The following LRRC4C variants were observed in gnomAD, a reference collection of about 807,000 sequenced individuals.
LRRC4C encodes the protein leucine rich repeat containing 4C, also known as leucine-rich repeat-containing protein 4C.
LRRC4C carries 5 observed loss-of-function variants against 33.6 expected under a neutral mutation model. The ratio of observed to expected loss-of-function variants is 0.15; its 90% CI spans 0.08 to 0.31. The LOEUF is 0.31. Among genes scored for constraint, LRRC4C ranks in the 10% least tolerant of loss-of-function variants. The pLI is 1.00. For missense variants in LRRC4C, 560 were observed against 796.7 expected, an observed-to-expected ratio of 0.70 and a Z score of 3.58; for synonymous variants, 329 against 302.0, an observed-to-expected ratio of 1.09 and a Z score of -0.93.
At chr11:41,037,545 C>T (rs1431236098) in intron 1 of LRRC4C, among the ~76,000 whole-genome samples, 1 of 148,642 alleles carries the variant, frequency 6.7e-6, no homozygotes, top group Non-Finnish European at 1.5e-5. Flanking sequence ...AGCATACATG[C>T]TTGCTGAACT....
At chr11:40,753,770 A>T (rs1021092229) in intron 2 of LRRC4C, among the ~76,000 whole-genome samples, 1 of 152,036 alleles carries the variant, frequency 6.6e-6, no homozygotes, top group Non-Finnish European at 1.5e-5. Context: ...GTAAAAGTGG[A>T]CCAAGAACCC....
chr11:40,721,273 A>C (rs1197961887), intron 2 of LRRC4C, among the ~76,000 whole-genome samples: 1 of 152,188 alleles, frequency 6.6e-6, no homozygotes, highest in Non-Finnish European at 1.5e-5. Context: ...CATTAGAAGA[A>C]GCTTGAGAGA....
chr11:40,178,669 A>G (rs1297754177), intron 5 of LRRC4C, among the ~76,000 whole-genome samples: 1 of 152,198 alleles, frequency 6.6e-6, no homozygotes, highest in Non-Finnish European at 1.5e-5. Context: ...TGCTCTCTAG[A>G]TATAGATCAG....
intron 3 of LRRC4C, among the ~76,000 whole-genome samples, chr11:40,381,032 A>G (rs534807862): frequency 2.0e-5 from 3 of 152,268 alleles, no homozygotes; most frequent in Middle Eastern, 6.8e-3. Flanking sequence ...TGTTTCCCTA[A>G]CAACCGCTCA....
chr11:41,448,122 G>GTTTGTTTTTTTTTTTTTTTTT (rs1955887673), intron 1 of LRRC4C, among the ~76,000 whole-genome samples: 1 of 46,948 alleles, frequency 2.1e-5, no homozygotes, highest in Non-Finnish European at 4.4e-5. Flanking sequence ...GCACACGTCT[G>GTTTGTTTTTTTTTTTTTTTTT]TTTTTTTTTT....
chr11:40,260,272 G>C lies in LRRC4C; in HGVS notation c.-175-18674C>G, dbSNP rs373534911. 5.8e-5 allele frequency among the ~76,000 whole-genome samples: 8 copies of C among 137,488 alleles called. No individual in the cohort carries two copies. In the East Asian group the frequency reaches 1.5e-3, roughly 25 times the overall value. The allele number at this position is 137,488 out of a possible 152,430, so 90.2% of individuals were successfully genotyped here. A position where few individuals can be genotyped will look rare whatever the true frequency, so the allele number is the denominator to read the frequency against. ...CTTTGTAGGGACATGGATGAAATTGGAAATCATCATTCTCAGTAAATTATC... is the reference window on the plus strand; with the variant it reads ...CTTTGTAGGGACATGGATGAAATTGCAAATCATCATTCTCAGTAAATTATC... On this transcript the variant is annotated intron_variant, in intron 4 of 6. Transcript: ENST00000528697.
intron 3 of LRRC4C, among the ~76,000 whole-genome samples, chr11:40,375,045 G>T (rs998831270): frequency 2.6e-5 from 4 of 152,076 alleles, no homozygotes; most frequent in African/African-American, 9.7e-5. Flanking sequence ...AGATTCCTAA[G>T]ATATCATCCA....
intron 1 of LRRC4C, among the ~76,000 whole-genome samples, chr11:41,014,772 G>T (rs1855462122): frequency 6.6e-6 from 1 of 152,122 alleles, no homozygotes; most frequent in Non-Finnish European, 1.5e-5. Flanking sequence ...GATGGAGGGG[G>T]ATCAGTCTCC....
At chr11:40,241,673 C>T (rs10768589) in intron 4 of LRRC4C, 75 bp from the exon 5 acceptor site, 113,330 of 152,058 alleles carry the variant, frequency 0.75, 46,172 homozygotes, top group East Asian at 0.95. Flanking sequence ...TTCTGCAAGG[C>T]TAGAAACCAC....
rs535548639 is a variant in LRRC4C, at chr11:40,430,661, T to C, written c.-269-110940A>G. ...TTTCTTTATACCTTTCTTCTACATA[T>C]ATATATTTTTAATTGAAGTCCCAAT... On this transcript the variant is annotated intron_variant, in intron 3 of 6. Transcript: ENST00000528697. Among the ~76,000 whole-genome samples the C allele has an allele frequency of 5.3e-5, 8 of 152,164 alleles. No homozygotes were observed. The East Asian group carries it at 9.7e-4, about 18-fold the overall frequency.
intron 1 of LRRC4C, among the ~76,000 whole-genome samples, chr11:41,351,830 A>C (rs1013475820): frequency 7.2e-5 from 11 of 152,228 alleles, no homozygotes; most frequent in African/African-American, 2.7e-4. Context: ...TTTCACTAAG[A>C]GAGTTTGTTA....
chr11:41,456,582 T>C (rs1005278647), intron 1 of LRRC4C, among the ~76,000 whole-genome samples: 3 of 152,128 alleles, frequency 2.0e-5, no homozygotes, highest in Admixed American at 2.0e-4. Flanking sequence ...TCCTTTATTC[T>C]CCCCAATAAA....
chr11:40,126,250 C>G (rs1856215054), intron 6 of LRRC4C, among the ~76,000 whole-genome samples: 1 of 151,194 alleles, frequency 6.6e-6, no homozygotes, highest in Non-Finnish European at 1.5e-5. Flanking sequence ...ATAATATATT[C>G]TTAGGGTTTA....
At chr11:40,369,644 T>C (rs932309346) in intron 3 of LRRC4C, among the ~76,000 whole-genome samples, 1 of 152,238 alleles carries the variant, frequency 6.6e-6, no homozygotes, top group Non-Finnish European at 1.5e-5. Flanking sequence ...AGCCATTCTG[T>C]AGTTTTTTAA....
chr11:40,290,377 T>C (rs1944113050), intron 4 of LRRC4C, among the ~76,000 whole-genome samples: 2 of 152,216 alleles, frequency 1.3e-5, no homozygotes, highest in South Asian at 2.1e-4. Context: ...TCTTGCACAA[T>C]TATTTTCATA....
chr11:41,189,809 C>T (rs1945864471), intron 1 of LRRC4C, among the ~76,000 whole-genome samples: 2 of 152,164 alleles, frequency 1.3e-5, no homozygotes, highest in South Asian at 4.1e-4. Flanking sequence ...ATGCTTTTTA[C>T]TCAAGCAGTG....
chr11:41,308,287 T>C (rs951526497), intron 1 of LRRC4C, among the ~76,000 whole-genome samples: 3 of 151,212 alleles, frequency 2.0e-5, no homozygotes, highest in Non-Finnish European at 4.4e-5. Context: ...TGGGGGCTTA[T>C]GAATACCTGG....
intron 3 of LRRC4C, among the ~76,000 whole-genome samples, chr11:40,392,729 C>G (rs1949384558): frequency 1.3e-5 from 2 of 151,980 alleles, no homozygotes; most frequent in Admixed American, 1.3e-4. Flanking sequence ...AAGAAATATA[C>G]TCAGAAGAAG....
At position 40,681,466 on chromosome 11, in the gene LRRC4C, A is replaced by G. The variant is rs563103040; in HGVS notation, c.-406-33188T>C. Among the ~76,000 whole-genome samples the G allele has an allele frequency of 2.6e-5, 4 of 152,336 alleles. No homozygotes were observed. In the South Asian group the frequency reaches 6.2e-4, roughly 24 times the overall value. ...ATAGGGTGCTTATGTAGGAATTTCT[A>G]TGTGAGAAAGTCTTTGCACTGGCAA... On this transcript the variant is annotated intron_variant, in intron 2 of 6. Transcript: ENST00000528697.
Sources: gnomAD v4.1 joint callset for allele counts (sites outside exome capture counted in the v4.1 genomes callset) on GRCh38, gnomAD v4.1.1 for gene constraint, MANE v1.5 for transcripts, NCBI Gene and HGNC (gene_info 2026-07-23, HGNC 2026-07-21) for gene names.